ACVR1B: variants seen among roughly 807,000 people sequenced by gnomAD.
ACVR1B encodes the protein activin receptor type-1B.
In ACVR1B, 15 loss-of-function variants were observed where a neutral mutation model predicts 55.6. The ratio of observed to expected loss-of-function variants is 0.27; its 90% CI spans 0.18 to 0.42. The LOEUF (loss-of-function observed/expected upper bound fraction) is 0.42. Among genes scored for constraint, ACVR1B ranks in the 10% least tolerant of loss-of-function variants. The pLI, the probability that ACVR1B is intolerant of heterozygous loss-of-function variation, is 1.00. For synonymous variants in ACVR1B, 247 were observed against 254.6 expected (o/e 0.97, Z 0.28); for missense variants, 359 against 670.1 (o/e 0.54, Z 5.13).
In ACVR1B at chr12:51,994,254, G is replaced by C. The variant is rs1942256335; in HGVS notation, c.*144G>C. 1 of 1,193,878 alleles carries C rather than the reference G, an allele frequency of 8.4e-7. No individual in the cohort carries two copies. The highest frequency in any genetic ancestry group is 1.2e-6 in the Non-Finnish European group (1 of 859,212). The allele number at this position is 1,193,878 out of a possible 1,614,324, so 74.0% of individuals were successfully genotyped here. ...GGCCCGCAAGAGGGACAGAGCCCGG[G>C]AGAGACTCGCTCACTCCCATGTTGG... On this transcript the variant is annotated 3_prime_UTR_variant, in exon 9 of 9. Transcript: ENST00000257963. The surrounding 1 kb of genome is among the most constrained non-coding windows in gnomAD (Gnocchi z 4.2).
rs372651451 is a variant in ACVR1B at position 51,994,355 on chromosome 12, G to T, written c.*245G>T. 8 of 460,842 alleles carry T rather than the reference G, an allele frequency of 1.7e-5. No homozygotes were observed. In the South Asian group the frequency reaches 2.0e-4, roughly 11 times the overall value. 28.5% of individuals were successfully genotyped at this position (460,842 alleles called of 1,614,324 possible). ...GAGAGCGAATTGTGTGGAGAACTCA[G>T]TGCCACACCTCGAACTGGTTGTAGT... On this transcript the variant is annotated 3_prime_UTR_variant, in exon 9 of 9. Transcript: ENST00000257963. This position sits in a 1 kb window ranked among gnomAD's most constrained non-coding sequence, Gnocchi z 4.2.
chr12:51,976,634 A>T (rs1475882584), intron 3 of ACVR1B, 59 bp downstream of exon 3: 9 of 1,597,884 alleles, frequency 5.6e-6, no homozygotes, highest in Non-Finnish European at 6.0e-6. Context: ...TCCCAGCAGG[A>T]TAGAGTGCTT....
intron 1 of ACVR1B, among the ~76,000 whole-genome samples, chr12:51,961,250 C>T (rs150569927): frequency 1.7e-3 from 265 of 152,296 alleles, no homozygotes; most frequent in Non-Finnish European, 2.8e-3. Flanking sequence ...TATATGGCTT[C>T]GGCCTGCACA....
intron 4 of ACVR1B, 37 bp from the exon 5 acceptor site, chr12:51,983,962 T>TA (rs772826109): frequency 6.2e-7 from 1 of 1,612,214 alleles, no homozygotes. Flanking sequence ...TGCTGATAGT[T>TA]ACACTTTTTC....
Position 51,953,080 on chromosome 12 carries a change from A to T in ACVR1B, c.91+1246A>T, listed in dbSNP as rs377606729. On this transcript the variant is annotated intron_variant, in intron 1 of 8. Transcript: ENST00000257963. ...GTTATATTGAAGCGATTATTGACCC[A>T]CAGATGGATCTGGGAGAGATGATCA... Among the ~76,000 whole-genome samples, 6 of 152,268 alleles carry T rather than the reference A, an allele frequency of 3.9e-5. No homozygotes were observed. In the East Asian group the frequency reaches 7.7e-4, roughly 20 times the overall value.
chr12:51,968,286 T>TA (rs1213835944), intron 1 of ACVR1B, among the ~76,000 whole-genome samples: 1 of 152,246 alleles, frequency 6.6e-6, no homozygotes, highest in Non-Finnish European at 1.5e-5. Context: ...TATGGAAACA[T>TA]ACAAGTCCAA....
chr12:51,992,113 C>T, intron 8 of ACVR1B, 120 bp downstream of exon 8: 1 of 1,276,668 alleles, frequency 7.8e-7, no homozygotes, highest in Non-Finnish European at 1.1e-6. Flanking sequence ...TTATTATTTA[C>T]TATTACGTGC....
chr12:51,987,105 T>G, intron 7 of ACVR1B, 163 bp downstream of exon 7: 1 of 916,962 alleles, frequency 1.1e-6, no homozygotes, highest in South Asian at 1.4e-5. Flanking sequence ...GTAGCTGTGC[T>G]TAGGGTGCGT....
intron 6 of ACVR1B, among the ~76,000 whole-genome samples, chr12:51,985,583 T>C (rs1942060994): frequency 6.6e-6 from 1 of 152,172 alleles, no homozygotes; most frequent in Admixed American, 6.5e-5. Context: ...ACATTGGTGT[T>C]GGTGGTATTA....
chr12:51,975,243 T>A (rs1941825473), intron 1 of ACVR1B, 22 bp from the exon 2 acceptor site: 1 of 1,599,686 alleles, frequency 6.3e-7, no homozygotes, highest in African/African-American at 1.3e-5. Context: ...GATGTCAATG[T>A]CTGCTCCCCA....
chr12:51,968,328 A>G (rs1440140286), intron 1 of ACVR1B, among the ~76,000 whole-genome samples: 1 of 152,274 alleles, frequency 6.6e-6, no homozygotes, highest in Non-Finnish European at 1.5e-5. Flanking sequence ...TGTAGATGTT[A>G]GATACCTCTT....
In ACVR1B at chr12:51,975,385, C is replaced by G; in HGVS notation, c.212C>G (p.Pro71Arg). 6.2e-7 allele frequency: 1 copy of G among 1,614,190 alleles called. No homozygotes were observed. Among genetic ancestry groups the G allele is most frequent in the Non-Finnish European group, 8.5e-7 (1 of 1,180,048 alleles). The change falls in exon 2 of 9, where the codon CCC becomes CGC. Residue 71 changes from proline (P) to arginine (R), a missense_variant. This residue lies in a region of ACVR1B where 133 missense variants were observed against 188.2 expected (regional missense o/e 0.71). Transcript: ENST00000257963. The part of the protein sequence containing the change: ...GMEHHVRTCI[P>R]KVELVPAGKP... ...GAGCACCATGTGCGCACCTGCATCC[C>G]CAAAGTGGAGCTGGTCCCTGCCGGG... is the stretch of plus-strand genomic sequence containing the variant.
chr12:51,993,834 C>A, intron 8 of ACVR1B, 151 bp from the exon 9 acceptor site: 1 of 459,826 alleles, frequency 2.2e-6, no homozygotes, highest in Non-Finnish European at 3.5e-6. Flanking sequence ...GGGAGCCTTG[C>A]AGAGCATTTC....
rs1355655034 is a variant in ACVR1B at position 51,996,372 on chromosome 12, TTGAC to T, written c.*2266_*2269del. The T allele has an allele frequency of 6.6e-6, 1 of 152,660 alleles. No homozygotes were observed. Among genetic ancestry groups the T allele is most frequent in the Non-Finnish European group, 1.5e-5 (1 of 68,058 alleles). 9.5% of individuals were successfully genotyped at this position (152,660 alleles called of 1,614,324 possible). On this transcript the variant is annotated 3_prime_UTR_variant, in exon 9 of 9. Transcript: ENST00000257963. ...CAGTGCTCCTGGCCCTTCTATTTATTTGACTGATTATTGCTTCTTTCCTTGCATT... is the reference window on the plus strand; with the variant it reads ...CAGTGCTCCTGGCCCTTCTATTTATTTGATTATTGCTTCTTTCCTTGCATT...
intron 1 of ACVR1B, among the ~76,000 whole-genome samples, chr12:51,959,796 C>T (rs1325173024): frequency 1.3e-5 from 2 of 151,978 alleles, no homozygotes; most frequent in African/African-American, 2.4e-5. Flanking sequence ...CTGACTATAA[C>T]TTTTTTCTAG....
chr12:51,993,251 T>C (rs530657472), intron 8 of ACVR1B, among the ~76,000 whole-genome samples: 2 of 152,276 alleles, frequency 1.3e-5, no homozygotes, highest in Admixed American at 1.3e-4. Context: ...AGTAGAGAGG[T>C]TGGCTCTGCC....
chr12:51,966,716 T>C (rs1475419721), intron 1 of ACVR1B, among the ~76,000 whole-genome samples: 1 of 152,188 alleles, frequency 6.6e-6, no homozygotes, highest in African/African-American at 2.4e-5. Context: ...CCCAAAGTGC[T>C]GGGATTACAG....
intron 3 of ACVR1B, among the ~76,000 whole-genome samples, chr12:51,977,446 C>T (rs191101698): frequency 3.9e-5 from 6 of 152,106 alleles, no homozygotes; most frequent in Admixed American, 1.3e-4. Context: ...TACAGGAATG[C>T]GCCACCACAG....
Position 51,985,324 on chromosome 12 carries a change from C to T in ACVR1B, c.1112C>T (p.Pro371Leu), listed in dbSNP as rs769153686. ...DAVTDTIDIAPNQRVGTKRYM... is the reference protein window; with the variant it reads ...DAVTDTIDIALNQRVGTKRYM... ...GTCACTGACACCATTGACATTGCCC[C>T]GAATCAGAGGGTGGGGACCAAACGG... Residue 371 changes from proline to leucine, a missense_variant, in exon 6 of 9, where the codon CCG (proline) becomes CTG (leucine). Pro to Leu is a moderately conservative substitution (Grantham distance 98). Transcript: ENST00000257963. 4.3e-6 allele frequency: 7 copies of T among 1,612,804 alleles called. No homozygotes were observed. Among genetic ancestry groups the T allele is most frequent in the Admixed American group, 1.7e-5 (1 of 59,818 alleles).
Sources: gnomAD v4.1 joint callset for allele counts (sites outside exome capture counted in the v4.1 genomes callset) on GRCh38, gnomAD v4.1.1 for gene constraint, gnomAD v4.1.1 regional missense constraint, Gnocchi (gnomAD v3.1) non-coding constraint, MANE v1.5 for transcripts, NCBI Gene and HGNC (gene_info 2026-07-23, HGNC 2026-07-21) for gene names.